Variants in SGCZ observed in about 807,000 individuals in gnomAD.
SGCZ encodes sarcoglycan zeta.
A neutral mutation model predicts 41.3 loss-of-function variants in SGCZ; 40 were observed. That is an observed-to-expected ratio of 0.97 (90% CI 0.75 to 1.26). The LOEUF is 1.26. SGCZ is among the 50% of genes most tolerant of loss of function. The pLI is 0.00. For synonymous variants in SGCZ, 206 were observed against 137.5 expected (o/e 1.50, Z -3.49); for missense variants, 552 against 369.8 (o/e 1.49, Z -4.04).
At chr8:15,048,481 A>G (rs546775036) in intron 1 of SGCZ, among the ~76,000 whole-genome samples, 27 of 152,204 alleles carry the variant, frequency 1.8e-4, no homozygotes, top group African/African-American at 6.0e-4. Context: ...AATAGAGGAT[A>G]CGGAACATCC....
At chr8:15,198,578 C>T (rs766702242) in intron 1 of SGCZ, among the ~76,000 whole-genome samples, 65 of 152,236 alleles carry the variant, frequency 4.3e-4, no homozygotes, top group Admixed American at 7.2e-4. Context: ...TTCAAATTAA[C>T]GCATAATATC....
At chr8:14,455,134 G>A (rs903177809) in intron 2 of SGCZ, among the ~76,000 whole-genome samples, 8 of 151,952 alleles carry the variant, frequency 5.3e-5, no homozygotes, top group African/African-American at 1.9e-4. Flanking sequence ...ATGGTTGAAG[G>A]GCTAATATTC....
intron 2 of SGCZ, among the ~76,000 whole-genome samples, chr8:14,466,734 C>T (rs1490943978): frequency 1.3e-5 from 2 of 151,832 alleles, no homozygotes; most frequent in African/African-American, 4.8e-5. Flanking sequence ...CTCAAGTCTG[C>T]TTTTAAAATC....
intron 1 of SGCZ, among the ~76,000 whole-genome samples, chr8:14,928,194 G>C (rs1585386641): frequency 6.6e-6 from 1 of 152,112 alleles, no homozygotes; most frequent in Admixed American, 6.5e-5. Context: ...GGAAATTAAT[G>C]TCAATGACAT....
At chr8:14,634,481 A>C (rs1158349174) in intron 1 of SGCZ, among the ~76,000 whole-genome samples, 1 of 151,900 alleles carries the variant, frequency 6.6e-6, no homozygotes, top group Non-Finnish European at 1.5e-5. Flanking sequence ...ACAGTGTACC[A>C]AGTTATTGCA....
intron 4 of SGCZ, among the ~76,000 whole-genome samples, chr8:14,223,090 T>G (rs7818571): frequency 1 from 152,183 of 152,186 alleles, 76,090 homozygotes; most frequent in Non-Finnish European, 1. Flanking sequence ...GATTACATGA[T>G]TGAGCCATTG....
intron 2 of SGCZ, among the ~76,000 whole-genome samples, chr8:14,517,178 G>A (rs1802647334): frequency 6.6e-6 from 1 of 151,848 alleles, no homozygotes; most frequent in Admixed American, 6.6e-5. Flanking sequence ...GTGACATGAG[G>A]GGATGATGGC....
At chr8:15,203,840 T>C (rs1800974442) in intron 1 of SGCZ, among the ~76,000 whole-genome samples, 1 of 152,174 alleles carries the variant, frequency 6.6e-6, no homozygotes, top group South Asian at 2.1e-4. Flanking sequence ...ATAACTATAA[T>C]TTTGCAGTTT....
At chr8:14,631,904 C>T (rs1437113316) in intron 1 of SGCZ, among the ~76,000 whole-genome samples, 2 of 152,086 alleles carry the variant, frequency 1.3e-5, no homozygotes, top group African/African-American at 4.8e-5. Flanking sequence ...AAGATTGGAA[C>T]AAACGTTAAC....
chr8:14,865,502 T>A lies in SGCZ; in HGVS notation c.40-310576A>T, dbSNP rs148737610. ...TGTATTATTCTGGTGAAAAAGAAAG[T>A]TGGGTGAGGTCACCTGAAGGAAGCG... On this transcript the variant is annotated intron_variant, in intron 1 of 7. Coordinates refer to ENST00000382080, the MANE Select transcript of SGCZ (RefSeq NM_139167.4). 4.0e-3 allele frequency among the ~76,000 whole-genome samples: 602 copies of A among 152,190 alleles called. 4 individuals carry two copies. The highest frequency in any genetic ancestry group is 0.014 in the African/African-American group (573 of 41,542).
At chr8:14,878,477 G>A (rs1429234930) in intron 1 of SGCZ, among the ~76,000 whole-genome samples, 2 of 152,136 alleles carry the variant, frequency 1.3e-5, no homozygotes, top group Non-Finnish European at 2.9e-5. Flanking sequence ...CTGTGGTTCT[G>A]ATGTAGCTTG....
At chr8:14,513,096 T>C (rs1802512584) in intron 2 of SGCZ, among the ~76,000 whole-genome samples, 1 of 152,148 alleles carries the variant, frequency 6.6e-6, no homozygotes. Flanking sequence ...CACAGGTTTA[T>C]GCAGTGGTGC....
intron 1 of SGCZ, among the ~76,000 whole-genome samples, chr8:15,137,528 G>C (rs1011826318): frequency 6.6e-6 from 1 of 152,114 alleles, no homozygotes; most frequent in Non-Finnish European, 1.5e-5. Flanking sequence ...TCCTGGGCTG[G>C]GCCCAGGGCC....
intron 1 of SGCZ, among the ~76,000 whole-genome samples, chr8:14,726,525 G>T (rs1425104336): frequency 6.6e-6 from 1 of 151,458 alleles, no homozygotes; most frequent in Non-Finnish European, 1.5e-5. Context: ...TATGATAGAG[G>T]CACAGTATTG....
chr8:14,713,029 G>T (rs1349832424), intron 1 of SGCZ, among the ~76,000 whole-genome samples: 1 of 152,036 alleles, frequency 6.6e-6, no homozygotes, highest in East Asian at 1.9e-4. Context: ...TAGGCCCCTA[G>T]TTGCTCATTT....
chr8:14,735,830 C>A (rs924025848), intron 1 of SGCZ, among the ~76,000 whole-genome samples: 1 of 152,026 alleles, frequency 6.6e-6, no homozygotes, highest in Non-Finnish European at 1.5e-5. Flanking sequence ...GTAGCTTGTG[C>A]TATTAGGGAG....
intron 1 of SGCZ, among the ~76,000 whole-genome samples, chr8:14,701,644 G>A (rs1809140566): frequency 6.6e-6 from 1 of 151,866 alleles, no homozygotes; most frequent in South Asian, 2.1e-4. Flanking sequence ...TATTCCTGCA[G>A]CTTTCTCTTC....
chr8:14,740,119 T>C (rs1007157519), intron 1 of SGCZ, among the ~76,000 whole-genome samples: 2 of 152,058 alleles, frequency 1.3e-5, no homozygotes, highest in Non-Finnish European at 2.9e-5. Context: ...CTATCAAGCA[T>C]TATATAACTT....
At chr8:14,892,551 C>G (rs1226499897) in intron 1 of SGCZ, among the ~76,000 whole-genome samples, 2 of 151,904 alleles carry the variant, frequency 1.3e-5, no homozygotes, top group African/African-American at 2.4e-5. Flanking sequence ...TGGGTAAAAC[C>G]AAAGTTAAAT....
Sources: gnomAD v4.1 joint callset for allele counts (sites outside exome capture counted in the v4.1 genomes callset) on GRCh38, gnomAD v4.1.1 for gene constraint, MANE v1.5 for transcripts, NCBI Gene and HGNC (gene_info 2026-07-23, HGNC 2026-07-21) for gene names.